FAM149B1: variants seen among roughly 807,000 people sequenced by gnomAD.
FAM149B1 encodes primary cilium assembly protein FAM149B1.
A neutral mutation model predicts 75.3 loss-of-function variants in FAM149B1; 56 were observed. The observed-to-expected ratio is 0.74, with a 90% CI of 0.60 to 0.93. The LOEUF is 0.93. Among genes scored for constraint, FAM149B1 ranks in the 40% least tolerant of loss-of-function variants. The pLI is 0.00. For synonymous variants in FAM149B1, 259 were observed against 256.1 expected, an observed-to-expected ratio of 1.01 and a Z score of -0.11; for missense variants, 639 against 708.4, an observed-to-expected ratio of 0.90 and a Z score of 1.11.
chr10:73,230,608 T>C lies in FAM149B1; in HGVS notation c.1127+83T>C, dbSNP rs1003638255. On this transcript the variant is annotated intron_variant, in intron 9 of 13. Transcript: ENST00000242505. ...AAATCAGTTTATCAGTATGCATGTATTGAGTGCCAACCAAGCAACCACAAA... is the reference window on the plus strand; with the variant it reads ...AAATCAGTTTATCAGTATGCATGTACTGAGTGCCAACCAAGCAACCACAAA... 42 of 772,424 alleles carry C rather than the reference T, an allele frequency of 5.4e-5. 1 individual carries two copies. The highest frequency in any genetic ancestry group is 2.9e-4 in the South Asian group (19 of 65,398). 47.8% of individuals were successfully genotyped at this position (772,424 alleles called of 1,614,324 possible).
chr10:73,187,068 A>T (rs2042542696), intron 3 of FAM149B1, among the ~76,000 whole-genome samples: 1 of 152,240 alleles, frequency 6.6e-6, no homozygotes, highest in Non-Finnish European at 1.5e-5. Flanking sequence ...ATTTCTATAC[A>T]TTGGCAGTGA....
chr10:73,231,429 A>AT (rs944604276), intron 9 of FAM149B1: 4 of 152,214 alleles, frequency 2.6e-5, no homozygotes, highest in Admixed American at 6.5e-5. Context: ...GAGTTGTACC[A>AT]TTTTACACTC....
chr10:73,207,497 G>T (rs1167053098), intron 5 of FAM149B1, among the ~76,000 whole-genome samples: 3 of 152,074 alleles, frequency 2.0e-5, no homozygotes, highest in African/African-American at 7.2e-5. Flanking sequence ...CCGGGAGGCA[G>T]AGGTTGCAGT....
At chr10:73,227,597 G>A (rs1294798569) in intron 7 of FAM149B1, among the ~76,000 whole-genome samples, 1 of 152,118 alleles carries the variant, frequency 6.6e-6, no homozygotes, top group East Asian at 1.9e-4. Context: ...GGGAATTGAG[G>A]TCTGGATTAA....
rs1204380144 is a variant in FAM149B1, at chr10:73,177,932, G to T, written c.239G>T (p.Gly80Val). The change falls in exon 3 of 14, where the codon GGG (glycine) becomes GTG (valine). Residue 80 changes from glycine (G) to valine (V), a missense_variant. Transcript: ENST00000242505. ...LSAFPSYTGA[G>V]ISTEGSSDFS... Reference sequence around the variant, plus strand: ...GCTTTTCCAAGTTATACAGGCGCAGGGATATCTACTGAAGGAAGCTCGGAC... The same window carrying T: ...GCTTTTCCAAGTTATACAGGCGCAGTGATATCTACTGAAGGAAGCTCGGAC... The T allele has an allele frequency of 6.4e-7, 1 of 1,551,602 alleles. No individual in the cohort carries two copies. Among genetic ancestry groups the T allele is most frequent in the Admixed American group, 2.0e-5 (1 of 50,978 alleles).
In FAM149B1 at chr10:73,241,288, A is replaced by G. The variant is rs1393065925; in HGVS notation, c.*269A>G. ...TTTGTACCCAAAGATGCAACAGTGA[A>G]TAATACCCAAATCACTGCTCATGTT... On this transcript the variant is annotated 3_prime_UTR_variant, in exon 14 of 14. Coordinates refer to ENST00000242505, the MANE Select transcript of FAM149B1 (RefSeq NM_173348.2). The G allele has an allele frequency of 4.7e-6, 2 of 424,458 alleles. No individual in the cohort carries two copies. The highest frequency in any genetic ancestry group is 4.4e-6 in the Non-Finnish European group (1 of 228,184). The allele number at this position is 424,458 out of a possible 1,614,324, so 26.3% of individuals were successfully genotyped here.
chr10:73,209,018 A>T (rs942664525), intron 6 of FAM149B1, among the ~76,000 whole-genome samples: 3 of 152,144 alleles, frequency 2.0e-5, no homozygotes, highest in Non-Finnish European at 4.4e-5. Context: ...GAGATTAGAG[A>T]TTTTAAAATA....
At chr10:73,190,383 A>T (rs1382556753) in intron 3 of FAM149B1, among the ~76,000 whole-genome samples, 1 of 152,006 alleles carries the variant, frequency 6.6e-6, no homozygotes, top group Non-Finnish European at 1.5e-5. Flanking sequence ...GGTCCAGTAT[A>T]GCCTCAAACT....
Position 73,243,956 on chromosome 10 carries a change from A to T in FAM149B1, c.*2937A>T. On this transcript the variant is annotated 3_prime_UTR_variant, in exon 14 of 14. Transcript: ENST00000242505. ...TGAAACAGGAACTCACATGAGACTC[A>T]GGGCCACCAGGAAATGCTTAAAATA... 1 of 1,584,902 alleles carries T rather than the reference A, an allele frequency of 6.3e-7. No individual in the cohort carries two copies. Among genetic ancestry groups the T allele is most frequent in the East Asian group, 2.2e-5 (1 of 44,702 alleles).
chr10:73,237,265 C>T (rs1377649274), intron 12 of FAM149B1, among the ~76,000 whole-genome samples: 4 of 152,176 alleles, frequency 2.6e-5, no homozygotes, highest in Non-Finnish European at 5.9e-5. Context: ...TCACCAAAAA[C>T]AAGAAAAGGA....
chr10:73,239,149 T>C, intron 12 of FAM149B1, 163 bp from the exon 13 acceptor site: 1 of 559,404 alleles, frequency 1.8e-6, no homozygotes, highest in Admixed American at 3.1e-5. Flanking sequence ...CTTGGGATTT[T>C]CTACTTGAAA....
In FAM149B1 at chr10:73,228,066, A is replaced by C. The variant is rs1311321727; in HGVS notation, c.905A>C (p.Glu302Ala). The C allele has an allele frequency of 1.3e-6, 2 of 1,551,658 alleles. No homozygotes were observed. Among genetic ancestry groups the C allele is most frequent in the Admixed American group, 2.0e-5 (1 of 51,010 alleles). The change falls in exon 8 of 14, where the codon GAG becomes GCG. Residue 302 changes from glutamate to alanine, a missense_variant. By Grantham distance (107) the Glu-to-Ala change is moderately radical. Transcript: ENST00000242505. ...ATCCTGTTCCTTTGCCCAGATGATG[A>C]GAGTAATGTTGCAGTTACCAGACCC... ...SHWEGFASDD[E>A]SNVAVTRPDS...
At position 73,170,017 on chromosome 10, in the gene FAM149B1, A is replaced by G. The variant is rs1178786504; in HGVS notation, c.47+1631A>G. ...AATTTTAGCAACCATAAATATATTA[A>G]CTATTAATATTAATTATTAACTATT... On this transcript the variant is annotated intron_variant, in intron 1 of 13. Coordinates refer to ENST00000242505, the MANE Select transcript of FAM149B1 (RefSeq NM_173348.2). Among the ~76,000 whole-genome samples the G allele has an allele frequency of 4.4e-5, 6 of 137,512 alleles. No homozygotes were observed. In the East Asian group the frequency reaches 1.4e-3, roughly 32 times the overall value. 90.2% of individuals were successfully genotyped at this position (137,512 alleles called of 152,430 possible). A position where few individuals can be genotyped will look rare whatever the true frequency, so the allele number is the denominator to read the frequency against.
intron 3 of FAM149B1, among the ~76,000 whole-genome samples, chr10:73,187,059 T>C (rs2133323975): frequency 6.6e-6 from 1 of 152,300 alleles, no homozygotes; most frequent in Admixed American, 6.5e-5. Context: ...AAAATTTGTA[T>C]TTCTATACAT....
chr10:73,230,373 A>G (rs2043658076), intron 8 of FAM149B1, 49 bp from the exon 9 acceptor site: 1 of 984,516 alleles, frequency 1.0e-6, no homozygotes, highest in Non-Finnish European at 1.6e-6. Context: ...AAAACCAAAC[A>G]GGTATCTTCT....
intron 10 of FAM149B1, chr10:73,234,097 G>T (rs2043769648): frequency 6.6e-6 from 1 of 152,196 alleles, no homozygotes; most frequent in East Asian, 1.9e-4. Flanking sequence ...GTCTTAGGAT[G>T]ATTAATTTCT....
At chr10:73,204,739 T>G (rs2043012719) in intron 5 of FAM149B1, among the ~76,000 whole-genome samples, 1 of 151,040 alleles carries the variant, frequency 6.6e-6, no homozygotes, top group African/African-American at 2.4e-5. Flanking sequence ...CCTCGTGAGA[T>G]ATCTTAAGAT....
intron 3 of FAM149B1, among the ~76,000 whole-genome samples, chr10:73,181,880 T>G (rs1293983544): frequency 6.6e-6 from 1 of 152,230 alleles, no homozygotes; most frequent in African/African-American, 2.4e-5. Flanking sequence ...CCTATATCTC[T>G]CTTTAGCTCT....
At chr10:73,179,685 A>C (rs1041832559) in intron 3 of FAM149B1, among the ~76,000 whole-genome samples, 1 of 151,976 alleles carries the variant, frequency 6.6e-6, no homozygotes, top group Non-Finnish European at 1.5e-5. Flanking sequence ...CACTGCACCC[A>C]GCCAGAAACC....
Sources: gnomAD v4.1 joint callset for allele counts (sites outside exome capture counted in the v4.1 genomes callset) on GRCh38, gnomAD v4.1.1 for gene constraint, MANE v1.5 for transcripts, NCBI Gene and HGNC (gene_info 2026-07-23, HGNC 2026-07-21) for gene names.